Variants in CALN1 observed in about 807,000 individuals in gnomAD.
CALN1 encodes the protein calcium-binding protein 8.
In CALN1, 17 loss-of-function variants were observed where a neutral mutation model predicts 30.6. The ratio of observed to expected loss-of-function variants is 0.56; its 90% confidence interval spans 0.38 to 0.83. The LOEUF (loss-of-function observed/expected upper bound fraction) is 0.83. Ranked by LOEUF, CALN1 falls within the 40% of genes least tolerant of loss-of-function variation. The pLI is 0.00. For synonymous variants in CALN1, 156 were observed against 131.4 expected (o/e 1.19, Z -1.28); for missense variants, 291 against 354.9 (o/e 0.82, Z 1.45).
At chr7:72,013,978 A>T (rs1470298967) in intron 5 of CALN1, among the ~76,000 whole-genome samples, 1 of 152,140 alleles carries the variant, frequency 6.6e-6, no homozygotes, top group African/African-American at 2.4e-5. Flanking sequence ...AGTGTCACCA[A>T]ATAGTTTTCT....
At chr7:72,393,559 AAGG>A (rs943553955) in intron 2 of CALN1, among the ~76,000 whole-genome samples, 3 of 152,178 alleles carry the variant, frequency 2.0e-5, no homozygotes, top group African/African-American at 7.2e-5. Flanking sequence ...GTCATAAAGC[AAGG>A]AGGACACTGC....
chr7:71,905,314 T>C (rs1385220435), intron 5 of CALN1, among the ~76,000 whole-genome samples: 1 of 152,078 alleles, frequency 6.6e-6, no homozygotes, highest in Non-Finnish European at 1.5e-5. Flanking sequence ...GGATGAATTA[T>C]ACAGTGGTGA....
rs11419495 is a variant in CALN1 at position 72,168,806 on chromosome 7, T to TTA, written c.245-62513_245-62512insTA. Among the ~76,000 whole-genome samples, 128 of 88,914 alleles carry TTA rather than the reference T, an allele frequency of 1.4e-3. 2 individuals carry two copies. Among genetic ancestry groups the TTA allele is most frequent in the East Asian group, 7.3e-3 (23 of 3,164 alleles). The allele number at this position is 88,914 out of a possible 152,430, so 58.3% of individuals were successfully genotyped here. ...TGCCTGCTTATTATTATTATTATTATTTTTTTTTTTTTTTTTGAGATGGAG... is the reference window on the plus strand; with the variant it reads ...TGCCTGCTTATTATTATTATTATTATTATTTTTTTTTTTTTTTTGAGATGGAG... On this transcript the variant is annotated intron_variant, in intron 3 of 6. Transcript: ENST00000395275.
At chr7:71,922,466 TA>T (rs1404017120) in intron 5 of CALN1, among the ~76,000 whole-genome samples, 1 of 145,772 alleles carries the variant, frequency 6.9e-6, no homozygotes, top group African/African-American at 2.5e-5. Flanking sequence ...TATTTACATA[TA>T]AATATGAATA....
At chr7:71,831,204 G>C (rs1015667903) in intron 5 of CALN1, among the ~76,000 whole-genome samples, 1 of 152,200 alleles carries the variant, frequency 6.6e-6, no homozygotes, top group African/African-American at 2.4e-5. Flanking sequence ...AATAGGGCCA[G>C]GCGCGGTGGC....
intron 2 of CALN1, among the ~76,000 whole-genome samples, chr7:72,351,063 C>T (rs1392590960): frequency 6.6e-6 from 1 of 152,128 alleles, no homozygotes; most frequent in Non-Finnish European, 1.5e-5. Flanking sequence ...ATCACTGGAA[C>T]CCGGGAGGTG....
intron 2 of CALN1, among the ~76,000 whole-genome samples, chr7:72,332,149 A>C (rs1363616836): frequency 6.6e-6 from 1 of 152,054 alleles, no homozygotes; most frequent in Non-Finnish European, 1.5e-5. Flanking sequence ...TCAATGGGAG[A>C]CAGCAACTTT....
intron 2 of CALN1, 140 bp from the exon 3 acceptor site, chr7:72,278,950 G>C (rs928006884): frequency 1.6e-6 from 2 of 1,253,102 alleles, no homozygotes; most frequent in Non-Finnish European, 2.2e-6. Context: ...GGAAAGTCAA[G>C]ATATTTCCAG....
At chr7:72,499,522 T>G in the CALN1 span, among the ~76,000 whole-genome samples, 1 of 152,166 alleles carries the variant, frequency 6.6e-6, no homozygotes, top group Non-Finnish European at 1.5e-5. Flanking sequence ...CTGAATGTTT[T>G]AATATAAACA....
At chr7:72,353,193 A>C (rs949506168) in intron 2 of CALN1, among the ~76,000 whole-genome samples, 1 of 152,180 alleles carries the variant, frequency 6.6e-6, no homozygotes. Flanking sequence ...TACCAATCTC[A>C]TAAAATGCTT....
chr7:72,347,649 C>T (rs1802717103), intron 2 of CALN1, among the ~76,000 whole-genome samples: 1 of 152,166 alleles, frequency 6.6e-6, no homozygotes, highest in African/African-American at 2.4e-5. Flanking sequence ...GGACAGACAA[C>T]TTGTTAACAA....
chr7:71,895,327 T>A (rs1390115316), intron 5 of CALN1, among the ~76,000 whole-genome samples: 3 of 151,514 alleles, frequency 2.0e-5, no homozygotes, highest in African/African-American at 7.3e-5. Context: ...TCTTTTTTTT[T>A]GAGACAGAGT....
At chr7:72,358,197 T>A (rs1803353618) in intron 2 of CALN1, among the ~76,000 whole-genome samples, 1 of 151,872 alleles carries the variant, frequency 6.6e-6, no homozygotes. Context: ...CTCACTATGT[T>A]GCCCAGGCAC....
At chr7:72,425,688 C>T (rs1807780258) in intron 1 of CALN1, among the ~76,000 whole-genome samples, 1 of 152,216 alleles carries the variant, frequency 6.6e-6, no homozygotes, top group South Asian at 2.1e-4. Context: ...ACCATCTCAT[C>T]TGAGTCTCAC....
Position 71,779,809 on chromosome 7 carries a change from G to C in CALN1, c.*7966C>G, listed in dbSNP as rs146779566. The C allele has an allele frequency of 6.6e-6, 1 of 152,206 alleles. No homozygotes were observed. Among genetic ancestry groups the C allele is most frequent in the East Asian group, 1.9e-4 (1 of 5,180 alleles). 9.4% of individuals were successfully genotyped at this position (152,206 alleles called of 1,614,324 possible). On this transcript the variant is annotated 3_prime_UTR_variant, in exon 7 of 7. Transcript: ENST00000395275. ...ATGAGAGAAAATGGGATGCTAATGA[G>C]GTAAATGGGAAGATGGTGATTGATG...
chr7:72,428,854 A>T (rs1416776994), intron 1 of CALN1, among the ~76,000 whole-genome samples: 2 of 152,160 alleles, frequency 1.3e-5, no homozygotes, highest in Non-Finnish European at 2.9e-5. Context: ...CAAATGCTAG[A>T]GGGACCTATC....
chr7:72,004,833 T>A (rs1348913835), intron 5 of CALN1, among the ~76,000 whole-genome samples: 2 of 151,866 alleles, frequency 1.3e-5, no homozygotes, highest in African/African-American at 4.8e-5. Context: ...ACTAACCAAT[T>A]AGAATATGGG....
chr7:71,812,929 C>CATCACCATTATT (rs1287091997), intron 5 of CALN1, among the ~76,000 whole-genome samples: 13 of 136,506 alleles, frequency 9.5e-5, no homozygotes, highest in Non-Finnish European at 2.0e-4. Context: ...TCATCATCAT[C>CATCACCATTATT]ATTATTATTA....
At chr7:72,006,159 A>G (rs1469197390) in intron 5 of CALN1, among the ~76,000 whole-genome samples, 1 of 152,240 alleles carries the variant, frequency 6.6e-6, no homozygotes, top group African/African-American at 2.4e-5. Context: ...ATAGTGCCAG[A>G]TTTAACAGAC....
Sources: gnomAD v4.1 joint callset for allele counts (sites outside exome capture counted in the v4.1 genomes callset) on GRCh38, gnomAD v4.1.1 for gene constraint, MANE v1.5 for transcripts, NCBI Gene and HGNC (gene_info 2026-07-23, HGNC 2026-07-21) for gene names.